CDH11: variants seen among roughly 807,000 people sequenced by gnomAD.
The protein encoded by CDH11 is cadherin 11, also known as cadherin-11.
Under a neutral mutation model 67.8 loss-of-function variants are expected in CDH11, and 11 were observed. That is an observed-to-expected ratio of 0.16 (90% CI 0.10 to 0.27). CDH11 has a LOEUF of 0.27. CDH11 is among the 10% of genes least tolerant of loss of function. The probability of loss-of-function intolerance (pLI) is 1.00; values close to 1 mark genes in which losing one functional copy is unlikely to be tolerated. For synonymous variants in CDH11, 419 were observed against 400.0 expected, an observed-to-expected ratio of 1.05 and a Z score of -0.57; for missense variants, 847 against 1,031.2, an observed-to-expected ratio of 0.82 and a Z score of 2.45.
At chr16:65,081,821 C>CGTT (rs562698030) in intron 1 of CDH11, among the ~76,000 whole-genome samples, 92 of 152,286 alleles carry the variant, frequency 6.0e-4, no homozygotes, top group African/African-American at 2.1e-3. Flanking sequence ...GTACCTATAA[C>CGTT]TGTCCTGAAT....
At chr16:65,062,938 C>T (rs907072316) in intron 1 of CDH11, among the ~76,000 whole-genome samples, 3 of 152,162 alleles carry the variant, frequency 2.0e-5, no homozygotes, top group African/African-American at 4.8e-5. Flanking sequence ...GAGAGTCTAG[C>T]GGGTGCTCTA....
intron 1 of CDH11, among the ~76,000 whole-genome samples, chr16:65,117,895 C>G (rs1310160690): frequency 6.6e-6 from 1 of 152,150 alleles, no homozygotes; most frequent in Non-Finnish European, 1.5e-5. Flanking sequence ...CAGCCCCCAC[C>G]CCGGCTGCTG....
intron 2 of CDH11, among the ~76,000 whole-genome samples, chr16:65,052,472 G>A (rs2074072703): frequency 6.6e-6 from 1 of 152,152 alleles, no homozygotes; most frequent in Admixed American, 6.5e-5. Flanking sequence ...GAGATTATGA[G>A]GCTTTGGGGG....
At chr16:65,008,443 TA>T (rs933487222) in intron 2 of CDH11, among the ~76,000 whole-genome samples, 5 of 152,180 alleles carry the variant, frequency 3.3e-5, no homozygotes, top group Admixed American at 3.3e-4. Flanking sequence ...AGACATAATT[TA>T]AAAAAAAGAT....
intron 7 of CDH11, chr16:64,982,823 C>T (rs2072388497): frequency 1.3e-5 from 2 of 153,560 alleles, no homozygotes. Context: ...GGGACTCTTA[C>T]CAGCAGTGGC....
chr16:65,043,320 GA>G lies in CDH11; in HGVS notation c.-173+10483del, dbSNP rs542666732. Among the ~76,000 whole-genome samples, 378 of 152,282 alleles carry G rather than the reference GA, an allele frequency of 2.5e-3. 3 individuals carry two copies. Among genetic ancestry groups the G allele is most frequent in the African/African-American group, 8.4e-3 (350 of 41,558 alleles). On this transcript the variant is annotated intron_variant, in intron 2 of 12. Transcript: ENST00000268603. ...CACAGGTTGGATTATCTGGGACGCT[GA>G]CTCTGAGATGGAGTTTAGCATGGGG...
chr16:65,120,136 G>A (rs2075301014), intron 1 of CDH11, among the ~76,000 whole-genome samples: 1 of 152,174 alleles, frequency 6.6e-6, no homozygotes, highest in South Asian at 2.1e-4. Flanking sequence ...TAATATTTCT[G>A]TTCTGGTGTC....
At chr16:65,036,087 CT>C (rs1009903349) in intron 2 of CDH11, among the ~76,000 whole-genome samples, 2 of 152,060 alleles carry the variant, frequency 1.3e-5, no homozygotes, top group African/African-American at 2.4e-5. Context: ...TACATACTTT[CT>C]TTTATTAATT....
intron 1 of CDH11, among the ~76,000 whole-genome samples, chr16:65,111,674 A>ACACACAC (rs2075159404): frequency 7.1e-6 from 1 of 140,650 alleles, no homozygotes; most frequent in East Asian, 2.2e-4. Context: ...GAAAGCTAGA[A>ACACACAC]ACACACACAC....
At chr16:65,074,408 AC>A (rs1344028180) in intron 1 of CDH11, among the ~76,000 whole-genome samples, 1 of 151,996 alleles carries the variant, frequency 6.6e-6, no homozygotes, top group Non-Finnish European at 1.5e-5. Context: ...TAGCTGTGCA[AC>A]CCCCCGGCTT....
chr16:65,101,406 G>C (rs1403504696), intron 1 of CDH11, among the ~76,000 whole-genome samples: 1 of 152,158 alleles, frequency 6.6e-6, no homozygotes, highest in Non-Finnish European at 1.5e-5. Flanking sequence ...AACATTAGGG[G>C]ACCCCACTCC....
rs185491722 is a variant in CDH11, at chr16:64,992,785, C to A, written c.643+130G>T. 2.0e-3 allele frequency: 1,490 copies of A among 738,490 alleles called. 3 individuals carry two copies. Among genetic ancestry groups the A allele is most frequent in the Admixed American group, 4.1e-3 (136 of 33,042 alleles). The allele number at this position is 738,490 out of a possible 1,614,324, so 45.7% of individuals were successfully genotyped here. On this transcript the variant is annotated intron_variant, in intron 5 of 12. Transcript: ENST00000268603. ...ACAGGCCAAGTATCTAATCCTCACA[C>A]TAACCCTATAGGGTAGCCCTCTGTA... is the stretch of plus-strand genomic sequence containing the variant.
At chr16:64,967,330 G>T (rs1468820910) in intron 11 of CDH11, among the ~76,000 whole-genome samples, 2 of 152,016 alleles carry the variant, frequency 1.3e-5, no homozygotes, top group African/African-American at 4.8e-5. Flanking sequence ...CAATTCTCTT[G>T]CCTCAGCCTC....
At chr16:65,040,780 C>T (rs148019648) in intron 2 of CDH11, among the ~76,000 whole-genome samples, 1 of 152,082 alleles carries the variant, frequency 6.6e-6, no homozygotes, top group Admixed American at 6.5e-5. Context: ...ATATATAATT[C>T]ATGTATCATA....
At chr16:64,948,726 G>A (rs1469818899) in intron 12 of CDH11, 1 of 1,603,554 alleles carries the variant, frequency 6.2e-7, no homozygotes, top group Non-Finnish European at 8.5e-7. Context: ...TCAGCTGGAA[G>A]CCCAGATAAA....
intron 1 of CDH11, among the ~76,000 whole-genome samples, chr16:65,086,896 C>T (rs745561475): frequency 6.6e-6 from 1 of 152,190 alleles, no homozygotes; most frequent in South Asian, 2.1e-4. Flanking sequence ...AAATTATAGA[C>T]TCTTAGATAT....
chr16:65,040,900 T>C (rs1435376625), intron 2 of CDH11, among the ~76,000 whole-genome samples: 1 of 152,226 alleles, frequency 6.6e-6, no homozygotes, highest in Non-Finnish European at 1.5e-5. Flanking sequence ...GTACAGTGTT[T>C]GCTGGTATGT....
At chr16:64,983,199 T>A (rs1597051238) in intron 7 of CDH11, 1 of 149,290 alleles carries the variant, frequency 6.7e-6, no homozygotes, top group Non-Finnish European at 1.5e-5. Context: ...GAAAAACAAA[T>A]GAAAGCAGTA....
chr16:65,098,881 AT>A (rs2142850500), intron 1 of CDH11, among the ~76,000 whole-genome samples: 1 of 152,120 alleles, frequency 6.6e-6, no homozygotes, highest in South Asian at 2.1e-4. Context: ...AGTCTTCTAA[AT>A]TTTTCTAAAT....
Sources: allele counts gnomAD v4.1 joint callset (sites outside exome capture counted in the v4.1 genomes callset), GRCh38; gene constraint gnomAD v4.1.1; transcripts MANE v1.5; gene names NCBI Gene and HGNC (gene_info 2026-07-23, HGNC 2026-07-21).